CA5A: variants seen among roughly 807,000 people sequenced by gnomAD.
CA5A encodes the protein carbonic anhydrase 5A, mitochondrial.
CA5A carries 28 observed loss-of-function variants against 37.1 expected under a neutral mutation model. The ratio of observed to expected loss-of-function variants is 0.75; its 90% CI spans 0.56 to 1.03. The LOEUF (loss-of-function observed/expected upper bound fraction) is 1.03. CA5A is among the 50% of genes least tolerant of loss of function. CA5A has a pLI of 0.00. For missense variants in CA5A, 444 were observed against 399.9 expected, an observed-to-expected ratio of 1.11 and a Z score of -0.94; for synonymous variants, 171 against 158.4, an observed-to-expected ratio of 1.08 and a Z score of -0.60.
chr16:87,888,748 T>G (rs545894114), intron 6 of CA5A, among the ~76,000 whole-genome samples: 1 of 152,242 alleles, frequency 6.6e-6, no homozygotes, highest in Non-Finnish European at 1.5e-5. Flanking sequence ...AATAAATGAT[T>G]GGTTTTTGTT....
rs540945639 is a variant in CA5A, at chr16:87,902,908, T to A, written c.460-388A>T. Reference sequence around the variant, plus strand: ...GCCTGGGTGACAGAGCGAGACTCCATCTCACAAAAAAAAAAAAAAAGAACT... The same window carrying A: ...GCCTGGGTGACAGAGCGAGACTCCAACTCACAAAAAAAAAAAAAAAGAACT... On this transcript the variant is annotated intron_variant, in intron 3 of 6. Coordinates refer to ENST00000649794, the MANE Select transcript of CA5A (RefSeq NM_001739.2). Among the ~76,000 whole-genome samples, 43 of 140,726 alleles carry A rather than the reference T, an allele frequency of 3.1e-4. No individual in the cohort carries two copies. In the South Asian group the frequency reaches 8.0e-3, roughly 26 times the overall value. The allele number at this position is 140,726 out of a possible 152,430, so 92.3% of individuals were successfully genotyped here.
At chr16:87,888,304 T>C (rs758068303) in intron 6 of CA5A, 32 bp from the exon 7 acceptor site, 2 of 1,598,314 alleles carry the variant, frequency 1.3e-6, no homozygotes, top group Admixed American at 1.7e-5. Flanking sequence ...GTGAGCTTGG[T>C]ATGAGTGCAG....
intron 2 of CA5A, chr16:87,923,915 C>A: frequency 1.0e-6 from 1 of 985,010 alleles, no homozygotes; most frequent in Non-Finnish European, 1.2e-6. Flanking sequence ...AGTTCAGGAA[C>A]TATTTTTGGT....
intron 5 of CA5A, among the ~76,000 whole-genome samples, chr16:87,894,131 T>A (rs1266980525): frequency 6.6e-6 from 1 of 152,040 alleles, no homozygotes; most frequent in African/African-American, 2.4e-5. Context: ...AACTTTTTAT[T>A]TTTTTTATTT....
chr16:87,914,334 T>C (rs1474275599), intron 2 of CA5A, among the ~76,000 whole-genome samples: 1 of 152,194 alleles, frequency 6.6e-6, no homozygotes, highest in Non-Finnish European at 1.5e-5. Context: ...GTGATTTCTA[T>C]TAAGTGCAGC....
In CA5A at chr16:87,911,612, ACG is replaced by A. The variant is rs2143998869; in HGVS notation, c.341-6710_341-6709del. On this transcript the variant is annotated intron_variant, in intron 2 of 6. Coordinates refer to ENST00000649794, the MANE Select transcript of CA5A (RefSeq NM_001739.2). This position sits in a 1 kb window ranked among gnomAD's most constrained non-coding sequence, Gnocchi z 4.6. Reference sequence around the variant, plus strand: ...ACGTTCCCAAGCTGTAAAGGGTGACACGGCTGAGGGCTTCTGTGTGCCACCTC... The same window carrying A: ...ACGTTCCCAAGCTGTAAAGGGTGACAGCTGAGGGCTTCTGTGTGCCACCTC... Among the ~76,000 whole-genome samples the A allele has an allele frequency of 9.1e-6, 1 of 109,318 alleles. No homozygotes were observed. The highest frequency in any genetic ancestry group is 3.1e-4 in the East Asian group (1 of 3,268). The allele number at this position is 109,318 out of a possible 152,430, so 71.7% of individuals were successfully genotyped here. A position where few individuals can be genotyped will look rare whatever the true frequency, so the allele number is the denominator to read the frequency against.
chr16:87,892,753 A>AACCTC (rs1045040822), intron 5 of CA5A, among the ~76,000 whole-genome samples: 8 of 147,330 alleles, frequency 5.4e-5, no homozygotes, highest in African/African-American at 7.5e-5. Flanking sequence ...GGCTCACCGC[A>AACCTC]ACCTCTGCCT....
chr16:87,924,289 G>A (rs1296794908), intron 2 of CA5A: 32 of 985,350 alleles, frequency 3.2e-5, no homozygotes, highest in Non-Finnish European at 3.9e-5. Flanking sequence ...GCCTGATGAA[G>A]CAACCGTGAA....
At chr16:87,908,689 G>A (rs2143984052) in intron 2 of CA5A, among the ~76,000 whole-genome samples, 1 of 152,356 alleles carries the variant, frequency 6.6e-6, no homozygotes. Flanking sequence ...GCAGGGTAAG[G>A]TGCTGTGCTA....
intron 5 of CA5A, among the ~76,000 whole-genome samples, chr16:87,895,594 G>T (rs112875868): frequency 6.6e-6 from 1 of 152,066 alleles, no homozygotes; most frequent in Non-Finnish European, 1.5e-5. Context: ...AAAAATTGAA[G>T]GGTACAGTTC....
chr16:87,929,620 C>G (rs942719404), intron 1 of CA5A, among the ~76,000 whole-genome samples: 1 of 152,044 alleles, frequency 6.6e-6, no homozygotes, highest in Non-Finnish European at 1.5e-5. Context: ...CGCCTATAAT[C>G]CCAGCACTTT....
At chr16:87,884,261 C>CAAAAAAAAAAAAAA (rs969489629), downstream of CA5A, 3 of 26,788 alleles carry the variant, frequency 1.1e-4, no homozygotes, top group Admixed American at 4.9e-4. Context: ...ACTAAAAATG[C>CAAAAAAAAAAAAAA]AAAAAAAAAA....
chr16:87,928,104 C>T (rs59096140), intron 1 of CA5A, among the ~76,000 whole-genome samples: 2,567 of 152,236 alleles, frequency 0.017, 73 homozygotes, highest in African/African-American at 0.058. Context: ...AGAGGCCTGG[C>T]GTGTCCTGTG....
rs1380074111 is a variant in CA5A, at chr16:87,911,191, G to A, written c.341-6287C>T. 3.3e-5 allele frequency among the ~76,000 whole-genome samples: 5 copies of A among 152,022 alleles called. No homozygotes were observed. The highest frequency in any genetic ancestry group is 2.6e-4 in the Admixed American group (4 of 15,254). ...ATCCCCCGGACTCTGCTATCAGCAG[G>A]GCTGGTCCACCGGGCAGCACTGGCC... On this transcript the variant is annotated intron_variant, in intron 2 of 6. Coordinates refer to ENST00000649794, the MANE Select transcript of CA5A (RefSeq NM_001739.2). This position sits in a 1 kb window ranked among gnomAD's most constrained non-coding sequence, Gnocchi z 4.6.
chr16:87,892,276 G>A (rs1411555032), intron 5 of CA5A: 11 of 185,058 alleles, frequency 5.9e-5, no homozygotes, highest in Non-Finnish European at 8.9e-5. Flanking sequence ...TTGGGAGGCC[G>A]AGGCGGGTGC....
intron 6 of CA5A, 84 bp downstream of exon 6, chr16:87,891,715 C>T (rs2055716430): frequency 8.3e-7 from 1 of 1,201,966 alleles, no homozygotes; most frequent in South Asian, 1.8e-5. Flanking sequence ...CCACAACGCT[C>T]TCATGCAGCA....
intron 5 of CA5A, among the ~76,000 whole-genome samples, chr16:87,900,176 T>C (rs1170832246): frequency 6.6e-6 from 1 of 152,102 alleles, no homozygotes; most frequent in Non-Finnish European, 1.5e-5. Context: ...AGCTCTTTTC[T>C]TTCCCACCAA....
intron 1 of CA5A, among the ~76,000 whole-genome samples, chr16:87,934,426 G>T (rs553580549): frequency 6.6e-6 from 1 of 152,204 alleles, no homozygotes; most frequent in East Asian, 1.9e-4. Flanking sequence ...AAATTAGCCG[G>T]ATGTGGTGGC....
At chr16:87,892,535 AATAATAATAATAATAATAATAAATT>A (rs2055733291) in intron 5 of CA5A, among the ~76,000 whole-genome samples, 1 of 139,350 alleles carries the variant, frequency 7.2e-6, no homozygotes, top group African/African-American at 2.6e-5. Context: ...TAATAATAAT[AATAATAATAATAATAATAATAAATT>A]AATTAATAAT....
Sources: allele counts gnomAD v4.1 joint callset (sites outside exome capture counted in the v4.1 genomes callset), GRCh38; gene constraint gnomAD v4.1.1; non-coding constraint Gnocchi (gnomAD v3.1); transcripts MANE v1.5; gene names NCBI Gene and HGNC (gene_info 2026-07-23, HGNC 2026-07-21).